KALRN: variants seen among roughly 807,000 people sequenced by gnomAD.
The protein encoded by KALRN is kalirin RhoGEF kinase, also known as kalirin.
KALRN carries 70 observed loss-of-function variants against 353.7 expected under a neutral mutation model. The observed-to-expected ratio is 0.20, with a 90% CI of 0.16 to 0.24. KALRN has a LOEUF of 0.24. KALRN is among the 10% of genes least tolerant of loss of function. The pLI, the probability that KALRN is intolerant of heterozygous loss-of-function variation, is 1.00. For missense variants in KALRN, 2,791 were observed against 3,756.7 expected (o/e 0.74, Z 6.72); for synonymous variants, 1,391 against 1,434.8 (o/e 0.97, Z 0.69).
chr3:124,227,966 T>G, intron 1 of KALRN, 24 bp from the exon 2 acceptor site: 1 of 1,602,158 alleles, frequency 6.2e-7, no homozygotes, highest in Non-Finnish European at 8.6e-7. Flanking sequence ...TCACCCTGAT[T>G]CCTTCTGGTT....
intron 25 of KALRN, among the ~76,000 whole-genome samples, chr3:124,467,200 G>A (rs2060424789): frequency 6.6e-6 from 1 of 152,216 alleles, no homozygotes; most frequent in African/African-American, 2.4e-5. Flanking sequence ...TCAGCCAGGA[G>A]CAGTGAGGGG....
chr3:124,487,683 T>C (rs983945238), intron 28 of KALRN, among the ~76,000 whole-genome samples: 6 of 152,208 alleles, frequency 3.9e-5, no homozygotes, highest in Non-Finnish European at 7.3e-5. Flanking sequence ...GCCTATTAAG[T>C]CTCCAACCTC....
At chr3:124,134,933 G>T (rs568048578) in intron 1 of KALRN, among the ~76,000 whole-genome samples, 40 of 152,324 alleles carry the variant, frequency 2.6e-4, no homozygotes, top group African/African-American at 9.6e-4. Flanking sequence ...TGGTGTGAAT[G>T]TAAACTAGTA....
At chr3:124,534,417 A>G (rs1331943086) in intron 33 of KALRN, among the ~76,000 whole-genome samples, 1 of 152,188 alleles carries the variant, frequency 6.6e-6, no homozygotes, top group Non-Finnish European at 1.5e-5. Flanking sequence ...ACAAATAGTT[A>G]ATGCACAGAG....
rs2067146851 is a variant in KALRN at position 124,521,356 on chromosome 3, C to T, written c.4935+24943C>T. On this transcript the variant is annotated intron_variant, in intron 33 of 59. Transcript: ENST00000682506. The stretch of plus-strand genomic sequence containing the variant: ...TAACACATGAGTGGATATATAAATA[C>T]AACTGAAAAGGACCTTGGAGATCAT... Among the ~76,000 whole-genome samples the T allele has an allele frequency of 3.3e-5, 5 of 152,262 alleles. No individual in the cohort carries two copies. In the South Asian group the frequency reaches 1.0e-3, roughly 32 times the overall value.
chr3:124,105,807 G>A (rs1012708135), intron 1 of KALRN, among the ~76,000 whole-genome samples: 1 of 152,190 alleles, frequency 6.6e-6, no homozygotes, highest in Non-Finnish European at 1.5e-5. Flanking sequence ...ATGGTGGTTG[G>A]TGGGACATTA....
chr3:124,640,290 T>C (rs77061059), intron 37 of KALRN, among the ~76,000 whole-genome samples: 19 of 144,778 alleles, frequency 1.3e-4, no homozygotes, highest in Middle Eastern at 3.5e-3. Flanking sequence ...TTCTTTCTTT[T>C]TTTTTTTTTT....
At chr3:124,645,279 CCT>C (rs1391731824) in intron 37 of KALRN, among the ~76,000 whole-genome samples, 1 of 152,092 alleles carries the variant, frequency 6.6e-6, no homozygotes, top group African/African-American at 2.4e-5. Flanking sequence ...CTATAGCTTG[CCT>C]GTTCACTCTG....
chr3:124,221,789 C>T (rs1175615124), intron 1 of KALRN, among the ~76,000 whole-genome samples: 1 of 152,124 alleles, frequency 6.6e-6, no homozygotes, highest in East Asian at 1.9e-4. Context: ...ATCTCAGAGT[C>T]TTCACTGGTT....
intron 34 of KALRN, among the ~76,000 whole-genome samples, chr3:124,627,323 C>T (rs1011489863): frequency 6.6e-6 from 1 of 152,198 alleles, no homozygotes; most frequent in Admixed American, 6.5e-5. Flanking sequence ...TTGCATGGAA[C>T]AAACTTGAAA....
intron 1 of KALRN, among the ~76,000 whole-genome samples, chr3:124,223,021 C>G (rs1280571117): frequency 6.6e-6 from 1 of 151,670 alleles, no homozygotes; most frequent in East Asian, 1.9e-4. Context: ...CCTTGGGTAC[C>G]AAGGCTTTAG....
intron 3 of KALRN, among the ~76,000 whole-genome samples, chr3:124,239,341 T>G (rs1323013010): frequency 6.6e-6 from 1 of 152,158 alleles, no homozygotes; most frequent in Non-Finnish European, 1.5e-5. Flanking sequence ...AGTAAGGAAA[T>G]CCTGGGTTAC....
In KALRN at chr3:124,392,618, T is replaced by TG; in HGVS notation, c.1963-2517_1963-2516insG. ...ATTTTCTTTTCTTTCTTTCTTTTTT[T>TG]TTTTTTGAGACAGTCTCCCTCTATC... On this transcript the variant is annotated intron_variant, in intron 11 of 59. Transcript: ENST00000682506. Among the ~76,000 whole-genome samples, 3 of 150,240 alleles carry TG rather than the reference T, an allele frequency of 2.0e-5. No homozygotes were observed. In the Middle Eastern group the frequency reaches 0.01, roughly 511 times the overall value.
intron 1 of KALRN, among the ~76,000 whole-genome samples, chr3:124,097,471 G>A (rs1469202834): frequency 2.0e-5 from 3 of 152,198 alleles, no homozygotes; most frequent in African/African-American, 4.8e-5. Flanking sequence ...AGAAAGTAAG[G>A]AGGGGATAGG....
At chr3:124,214,575 G>C (rs2077162422) in intron 1 of KALRN, among the ~76,000 whole-genome samples, 1 of 152,170 alleles carries the variant, frequency 6.6e-6, no homozygotes, top group South Asian at 2.1e-4. Context: ...GCCTCCTAGA[G>C]GTCTTCTGCT....
chr3:124,463,171 G>T (rs530969548), intron 25 of KALRN, among the ~76,000 whole-genome samples: 1 of 152,294 alleles, frequency 6.6e-6, no homozygotes, highest in South Asian at 2.1e-4. Context: ...CTTGATTTAA[G>T]AATTTTTCCC....
intron 1 of KALRN, among the ~76,000 whole-genome samples, chr3:124,058,968 C>T (rs74862632): frequency 0.014 from 2,143 of 152,214 alleles, 48 homozygotes; most frequent in African/African-American, 0.049. Context: ...TGTTAGTTTA[C>T]ACTTGTCTGA....
intron 5 of KALRN, among the ~76,000 whole-genome samples, chr3:124,277,310 CGG>C (rs1560438920): frequency 6.6e-6 from 1 of 152,080 alleles, no homozygotes; most frequent in Non-Finnish European, 1.5e-5. Context: ...AGAAAGGCTC[CGG>C]TGCCCTCTTG....
At chr3:124,593,545 T>C (rs1486936099) in intron 34 of KALRN, among the ~76,000 whole-genome samples, 1 of 152,136 alleles carries the variant, frequency 6.6e-6, no homozygotes, top group Non-Finnish European at 1.5e-5. Context: ...AGTCTTGTCT[T>C]TTTCTTTTTG....
Sources: allele counts gnomAD v4.1 joint callset (sites outside exome capture counted in the v4.1 genomes callset), GRCh38; gene constraint gnomAD v4.1.1; transcripts MANE v1.5; gene names NCBI Gene and HGNC (gene_info 2026-07-23, HGNC 2026-07-21).